Variants in CNTNAP4 observed in about 807,000 individuals in gnomAD.
CNTNAP4 encodes contactin-associated protein-like 4.
Under a neutral mutation model 148.4 loss-of-function variants are expected in CNTNAP4, and 98 were observed. That is an observed-to-expected ratio of 0.66 (90% CI 0.56 to 0.78). The LOEUF (loss-of-function observed/expected upper bound fraction) is 0.78. Among genes scored for constraint, CNTNAP4 ranks in the 30% least tolerant of loss-of-function variants. The pLI is 0.00. For synonymous variants in CNTNAP4, 730 were observed against 565.1 expected (o/e 1.29, Z -4.14); for missense variants, 1,935 against 1,565.6 (o/e 1.24, Z -3.98).
chr16:76,390,568 A>C (rs2016890175), intron 3 of CNTNAP4, among the ~76,000 whole-genome samples: 1 of 120,606 alleles, frequency 8.3e-6, no homozygotes, highest in South Asian at 2.7e-4. Context: ...CCCCATAAAT[A>C]ACAGGTAAAA....
intron 7 of CNTNAP4, among the ~76,000 whole-genome samples, chr16:76,450,432 G>A (rs1008288059): frequency 1.4e-4 from 21 of 152,220 alleles, no homozygotes; most frequent in Admixed American, 1.4e-3. Flanking sequence ...TTACAGGCAT[G>A]AGCCACTATG....
chr16:76,431,498 G>A (rs2079603356), intron 4 of CNTNAP4, among the ~76,000 whole-genome samples: 1 of 152,148 alleles, frequency 6.6e-6, no homozygotes, highest in Admixed American at 6.6e-5. Context: ...GGCCAACATG[G>A]CAAAACCCTG....
At chr16:76,330,851 C>G (rs752183112) in intron 2 of CNTNAP4, among the ~76,000 whole-genome samples, 1 of 152,072 alleles carries the variant, frequency 6.6e-6, no homozygotes, top group Non-Finnish European at 1.5e-5. Flanking sequence ...TAAGGAATGA[C>G]TATAATTTTA....
intron 2 of CNTNAP4, among the ~76,000 whole-genome samples, chr16:76,352,323 A>G (rs1477716179): frequency 6.6e-6 from 1 of 152,196 alleles, no homozygotes; most frequent in Admixed American, 6.5e-5. Flanking sequence ...CGCCATGTCC[A>G]TCATGTGCCT....
At chr16:76,317,262 A>AAC (rs1244599549) in intron 2 of CNTNAP4, among the ~76,000 whole-genome samples, 193 of 133,182 alleles carry the variant, frequency 1.4e-3, no homozygotes, top group African/African-American at 5.5e-3. Context: ...CAAAAAAAAA[A>AAC]AACAAAAAAA....
chr16:76,465,826 T>C (rs1268399222), intron 9 of CNTNAP4, among the ~76,000 whole-genome samples: 2 of 152,194 alleles, frequency 1.3e-5, no homozygotes, highest in African/African-American at 4.8e-5. Context: ...CTTCAAAGTC[T>C]CCATTAGGTT....
At chr16:76,437,586 G>C (rs1347259427) in intron 4 of CNTNAP4, among the ~76,000 whole-genome samples, 1 of 151,958 alleles carries the variant, frequency 6.6e-6, no homozygotes, top group South Asian at 2.1e-4. Flanking sequence ...ATGGGTTCAT[G>C]ATAATAATAA....
intron 4 of CNTNAP4, among the ~76,000 whole-genome samples, chr16:76,447,640 T>C (rs1392617911): frequency 1.3e-5 from 2 of 152,162 alleles, no homozygotes; most frequent in African/African-American, 4.8e-5. Flanking sequence ...TATCCAGCCA[T>C]GCTGTCTTTC....
intron 19 of CNTNAP4, 43 bp downstream of exon 19, chr16:76,538,383 A>C: frequency 7.3e-7 from 1 of 1,373,378 alleles, no homozygotes; most frequent in Admixed American, 1.8e-5. Flanking sequence ...AAATTAGAAC[A>C]CTAGCTCTGT....
At position 76,486,111 on chromosome 16, in the gene CNTNAP4, A is replaced by C. The variant is rs555224234; in HGVS notation, c.1883-3575A>C. Reference sequence around the variant, plus strand: ...TCAGTTGCTTTATTTACAAATATTGAAATCTCTTCAGGGGGAGACGTGAGT... The same window carrying C: ...TCAGTTGCTTTATTTACAAATATTGCAATCTCTTCAGGGGGAGACGTGAGT... On this transcript the variant is annotated intron_variant, in intron 12 of 23. Transcript: ENST00000611870. 3.1e-4 allele frequency among the ~76,000 whole-genome samples: 47 copies of C among 152,318 alleles called. 1 individual carries two copies. Among genetic ancestry groups the C allele is most frequent in the Admixed American group, 9.8e-4 (15 of 15,300 alleles).
chr16:76,323,283 T>C (rs1962619532), intron 2 of CNTNAP4, among the ~76,000 whole-genome samples: 1 of 100,748 alleles, frequency 9.9e-6, no homozygotes, highest in Non-Finnish European at 2.1e-5. Context: ...AGGATGGTTT[T>C]ATTTAATATT....
intron 14 of CNTNAP4, 61 bp downstream of exon 14, chr16:76,495,127 A>T (rs2143833976): frequency 6.4e-7 from 1 of 1,558,668 alleles, no homozygotes; most frequent in South Asian, 1.1e-5. Context: ...TAATCACTCA[A>T]AGTATGTATA....
At chr16:76,416,440 G>A (rs1048367459) in intron 3 of CNTNAP4, among the ~76,000 whole-genome samples, 19 of 150,860 alleles carry the variant, frequency 1.3e-4, no homozygotes, top group Admixed American at 2.7e-4. Flanking sequence ...TCTATCCTGC[G>A]TATTTTGATG....
intron 15 of CNTNAP4, among the ~76,000 whole-genome samples, chr16:76,498,968 G>C (rs2082518317): frequency 6.6e-6 from 1 of 152,010 alleles, no homozygotes; most frequent in East Asian, 1.9e-4. Context: ...ATGAGTTTTA[G>C]TGATGGTTAC....
intron 9 of CNTNAP4, among the ~76,000 whole-genome samples, chr16:76,465,784 G>A (rs2081156589): frequency 6.6e-6 from 1 of 152,078 alleles, no homozygotes; most frequent in African/African-American, 2.4e-5. Flanking sequence ...AAAAAGCTTT[G>A]ATGAATTTTT....
At chr16:76,540,899 C>T in intron 21 of CNTNAP4, 109 bp downstream of exon 21, 1 of 702,298 alleles carries the variant, frequency 1.4e-6, no homozygotes, top group Non-Finnish European at 2.4e-6. Flanking sequence ...AAGGAAATCC[C>T]TTGCCTATTT....
chr16:76,288,171 G>A (rs1958964181), intron 1 of CNTNAP4, among the ~76,000 whole-genome samples: 1 of 151,996 alleles, frequency 6.6e-6, no homozygotes, highest in African/African-American at 2.4e-5. Context: ...TTTTATAGGA[G>A]GCTTTCCCCT....
At chr16:76,353,994 T>G (rs1233216010) in intron 2 of CNTNAP4, among the ~76,000 whole-genome samples, 2 of 152,190 alleles carry the variant, frequency 1.3e-5, no homozygotes, top group Non-Finnish European at 2.9e-5. Context: ...AGAATAATGC[T>G]TGAATCAAAA....
intron 12 of CNTNAP4, among the ~76,000 whole-genome samples, chr16:76,483,912 G>C (rs981390423): frequency 6.6e-6 from 1 of 151,954 alleles, no homozygotes; most frequent in Non-Finnish European, 1.5e-5. Context: ...GATGAATATC[G>C]ACTATATATC....
Sources: gnomAD v4.1 joint callset for allele counts (sites outside exome capture counted in the v4.1 genomes callset) on GRCh38, gnomAD v4.1.1 for gene constraint, MANE v1.5 for transcripts, NCBI Gene and HGNC (gene_info 2026-07-23, HGNC 2026-07-21) for gene names.